FERMT3: variants seen among roughly 807,000 people sequenced by gnomAD.
FERMT3 encodes the protein fermitin family homolog 3.
A neutral mutation model predicts 80.8 loss-of-function variants in FERMT3; 33 were observed. The observed-to-expected ratio is 0.41, with a 90% CI of 0.31 to 0.55. The LOEUF (loss-of-function observed/expected upper bound fraction) is 0.55. Ranked by LOEUF, FERMT3 falls within the 20% of genes least tolerant of loss-of-function variation. The pLI is 0.31. For synonymous variants in FERMT3, 375 were observed against 372.2 expected (o/e 1.01, Z -0.09); for missense variants, 754 against 908.7 (o/e 0.83, Z 2.19).
At chr11:64,216,699 G>C (rs1262573493) in intron 6 of FERMT3, among the ~76,000 whole-genome samples, 2 of 150,566 alleles carry the variant, frequency 1.3e-5, no homozygotes, top group Admixed American at 1.3e-4. Context: ...GGGAGGCTGA[G>C]GCAAGAGAAT....
chr11:64,211,810 G>A lies in FERMT3; in HGVS notation c.786+63G>A. ...TGAGATGTGGAGACCTAGGGCCTGGGGTATGGGCTCTGGGATGTTAGTGAC... is the reference window on the plus strand; with the variant it reads ...TGAGATGTGGAGACCTAGGGCCTGGAGTATGGGCTCTGGGATGTTAGTGAC... On this transcript the variant is annotated intron_variant, in intron 6 of 14. Transcript: ENST00000345728. The surrounding 1 kb of genome is among the most constrained non-coding windows in gnomAD (Gnocchi z 4.7). The A allele has an allele frequency of 6.7e-7, 1 of 1,495,054 alleles. No individual in the cohort carries two copies. The highest frequency in any genetic ancestry group is 9.3e-7 in the Non-Finnish European group (1 of 1,073,010). The allele number at this position is 1,495,054 out of a possible 1,614,324, so 92.6% of individuals were successfully genotyped here.
At chr11:64,222,068 G>A (rs1946697781) in intron 13 of FERMT3, among the ~76,000 whole-genome samples, 1 of 151,576 alleles carries the variant, frequency 6.6e-6, no homozygotes, top group Admixed American at 6.6e-5. Flanking sequence ...GTGAAACCCT[G>A]TATCTACTAA....
chr11:64,211,184 G>A lies in FERMT3; in HGVS notation c.514+13G>A, dbSNP rs749484815. 6 of 1,551,778 alleles carry A rather than the reference G, an allele frequency of 3.9e-6. No homozygotes were observed. The highest frequency in any genetic ancestry group is 5.2e-6 in the Non-Finnish European group (6 of 1,147,000). ...GTCTTGGCTGGGGGTGAGTGCAAGT[G>A]GGGGTGGGCCTGGGGGGTTGGGGGC... On this transcript the variant is annotated intron_variant, in intron 4 of 14. Transcript: ENST00000345728. The surrounding 1 kb of genome is among the most constrained non-coding windows in gnomAD (Gnocchi z 4.7).
rs551542547 is a variant in FERMT3, at chr11:64,212,599, C to T, written c.786+852C>T. Among the ~76,000 whole-genome samples, 9 of 152,282 alleles carry T rather than the reference C, an allele frequency of 5.9e-5. No individual in the cohort carries two copies. The South Asian group carries it at 6.2e-4, about 11-fold the overall frequency. On this transcript the variant is annotated intron_variant, in intron 6 of 14. Coordinates refer to ENST00000345728, the MANE Select transcript of FERMT3 (RefSeq NM_031471.6). ...CTTACTTGCAGCATAGACACCACCC[C>T]GACCACTCCTCCAGAATATCTTCCT...
At position 64,223,803 on chromosome 11, in the gene FERMT3, G is replaced by C; in HGVS notation, c.*311G>C. ...ACAAGGAAGACCAGATGTAGCTACA[G>C]GATGATGAAACATGGTTTCAAACGA... On this transcript the variant is annotated 3_prime_UTR_variant, in exon 15 of 15. Transcript: ENST00000345728. The C allele has an allele frequency of 9.1e-7, 1 of 1,098,064 alleles. No individual in the cohort carries two copies. The highest frequency in any genetic ancestry group is 1.3e-6 in the Non-Finnish European group (1 of 758,374). The allele number at this position is 1,098,064 out of a possible 1,614,324, so 68.0% of individuals were successfully genotyped here.
At chr11:64,218,404 G>A (rs1946599567) in intron 6 of FERMT3, among the ~76,000 whole-genome samples, 1 of 152,106 alleles carries the variant, frequency 6.6e-6, no homozygotes, top group Admixed American at 6.6e-5. Flanking sequence ...CATGGGTTCA[G>A]GTGATTCTCC....
chr11:64,216,158 G>T (rs895591809), intron 6 of FERMT3, among the ~76,000 whole-genome samples: 1 of 149,552 alleles, frequency 6.7e-6, no homozygotes, highest in Non-Finnish European at 1.5e-5. Flanking sequence ...AGAATATTCT[G>T]GTCTTGATTT....
chr11:64,216,250 G>A (rs1365623533), intron 6 of FERMT3, among the ~76,000 whole-genome samples: 1 of 147,742 alleles, frequency 6.8e-6, no homozygotes, highest in African/African-American at 2.5e-5. Context: ...AGGCTGGAGT[G>A]CAATGGCAAG....
In FERMT3 at chr11:64,223,690, TG is replaced by T; in HGVS notation, c.*203del. ...CCATCACCCAGGCCAGGGATGGGGG[TG>T]GGGGTCCCTGAGCTCATGTGGTGCC... On this transcript the variant is annotated 3_prime_UTR_variant, in exon 15 of 15. Coordinates refer to ENST00000345728, the MANE Select transcript of FERMT3 (RefSeq NM_031471.6). The T allele has an allele frequency of 2.5e-6, 2 of 784,512 alleles. No individual in the cohort carries two copies. Among genetic ancestry groups the T allele is most frequent in the East Asian group, 2.7e-5 (1 of 37,352 alleles). The allele number at this position is 784,512 out of a possible 1,614,324, so 48.6% of individuals were successfully genotyped here.
chr11:64,219,851 G>C lies in FERMT3; in HGVS notation c.1080-40G>C. 6.2e-7 allele frequency: 1 copy of C among 1,613,828 alleles called. No homozygotes were observed. The highest frequency in any genetic ancestry group is 8.5e-7 in the Non-Finnish European group (1 of 1,179,986). ...GGGTTGGTCTGCATATGGAGGGAGG[G>C]GGTGAGGCGGCCTTTCACAAACCCC... On this transcript the variant is annotated intron_variant, in intron 9 of 14. Coordinates refer to ENST00000345728, the MANE Select transcript of FERMT3 (RefSeq NM_031471.6). This position sits in a 1 kb window ranked among gnomAD's most constrained non-coding sequence, Gnocchi z 4.0.
rs1390237296 is a variant in FERMT3, at chr11:64,207,427, T to G, written c.63T>G (p.Phe21Leu). The G allele has an allele frequency of 6.2e-7, 1 of 1,614,036 alleles. No individual in the cohort carries two copies. Residue 21 changes from phenylalanine to leucine, a missense_variant, in exon 2 of 15, where the codon TTT (phenylalanine) becomes TTG (leucine). By Grantham distance (22) the Phe-to-Leu change is conservative. Coordinates refer to ENST00000345728, the MANE Select transcript of FERMT3 (RefSeq NM_031471.6). ...YIDSSWELRV[F>L]VGEEDPEAES... ...ACTCGTCATGGGAGCTGCGGGTGTTTGTGGGAGAGGAGGACCCAGAGGCCG... is the reference window on the plus strand; with the variant it reads ...ACTCGTCATGGGAGCTGCGGGTGTTGGTGGGAGAGGAGGACCCAGAGGCCG...
chr11:64,207,213 T>C, intron 1 of FERMT3, 138 bp from the exon 2 acceptor site: 1 of 943,260 alleles, frequency 1.1e-6, no homozygotes. Flanking sequence ...ACGGGCGTGC[T>C]GGCCTGGGTG....
chr11:64,211,172 G>A lies in FERMT3; in HGVS notation c.514+1G>A. On this transcript the variant is annotated splice_donor_variant, in intron 4 of 14. Transcript: ENST00000345728. LOFTEE classifies it high-confidence loss of function. The surrounding 1 kb of genome is among the most constrained non-coding windows in gnomAD (Gnocchi z 4.7). The stretch of plus-strand genomic sequence containing the variant: ...TTGAGCAAGGTTGTCTTGGCTGGGG[G>A]TGAGTGCAAGTGGGGGTGGGCCTGG... The A allele has an allele frequency of 6.5e-7, 1 of 1,540,942 alleles. No individual in the cohort carries two copies.
chr11:64,207,327 T>TG, intron 1 of FERMT3, 24 bp from the exon 2 acceptor site: 1 of 1,613,822 alleles, frequency 6.2e-7, no homozygotes, highest in Non-Finnish European at 8.5e-7. Flanking sequence ...CTGCCCACCT[T>TG]GCCTCCTTCC....
intron 13 of FERMT3, among the ~76,000 whole-genome samples, chr11:64,221,960 G>A (rs1023899967): frequency 1.3e-5 from 2 of 149,590 alleles, no homozygotes; most frequent in African/African-American, 2.5e-5. Context: ...ACAAATAGGC[G>A]GGGCACGGTG....
intron 2 of FERMT3, among the ~76,000 whole-genome samples, chr11:64,209,620 A>G (rs1946392887): frequency 6.6e-6 from 1 of 152,150 alleles, no homozygotes; most frequent in African/African-American, 2.4e-5. Flanking sequence ...CCCAGGAGGG[A>G]AGGGCCCAGC....
chr11:64,223,650 G>A lies in FERMT3; in HGVS notation c.*158G>A. The A allele has an allele frequency of 1.1e-6, 1 of 952,192 alleles. No homozygotes were observed. Among genetic ancestry groups the A allele is most frequent in the Non-Finnish European group, 1.6e-6 (1 of 627,582 alleles). The allele number at this position is 952,192 out of a possible 1,614,324, so 59.0% of individuals were successfully genotyped here. On this transcript the variant is annotated 3_prime_UTR_variant, in exon 15 of 15. Transcript: ENST00000345728. ...CTTTGTGCAGGCCAAGGACCTGGCA[G>A]GGCCAGACGCTGTACCATCACCCAG... is the stretch of plus-strand genomic sequence containing the variant.
intron 13 of FERMT3, 112 bp downstream of exon 13, chr11:64,221,252 T>C: frequency 9.2e-7 from 1 of 1,086,346 alleles, no homozygotes; most frequent in Non-Finnish European, 1.4e-6. Context: ...CCCCAAAGAC[T>C]CCCTTCCCTT....
At chr11:64,220,760 TACG>T in intron 12 of FERMT3, 91 bp downstream of exon 12, 1 of 1,347,216 alleles carries the variant, frequency 7.4e-7, no homozygotes, top group Middle Eastern at 1.8e-4. Context: ...TCAGGAAAGC[TACG>T]TACTCACTGG....
Sources: gnomAD v4.1 joint callset for allele counts (sites outside exome capture counted in the v4.1 genomes callset) on GRCh38, gnomAD v4.1.1 for gene constraint, Gnocchi (gnomAD v3.1) non-coding constraint, MANE v1.5 for transcripts, NCBI Gene and HGNC (gene_info 2026-07-23, HGNC 2026-07-21) for gene names.